Variants in ADGRL2 observed in about 807,000 individuals in gnomAD.
The protein encoded by ADGRL2 is adhesion G protein-coupled receptor L2.
A neutral mutation model predicts 157.4 loss-of-function variants in ADGRL2; 44 were observed. The observed-to-expected ratio is 0.28, with a 90% CI of 0.22 to 0.36. ADGRL2 has a LOEUF of 0.36. Ranked by LOEUF, ADGRL2 falls within the 10% of genes least tolerant of loss-of-function variation. The pLI is 1.00. For synonymous variants in ADGRL2, 585 were observed against 624.7 expected, an observed-to-expected ratio of 0.94 and a Z score of 0.95; for missense variants, 1,510 against 1,768.9, an observed-to-expected ratio of 0.85 and a Z score of 2.63.
At chr1:81,322,991 G>T (rs983695258) in intron 1 of ADGRL2, among the ~76,000 whole-genome samples, 1 of 151,946 alleles carries the variant, frequency 6.6e-6, no homozygotes, top group Non-Finnish European at 1.5e-5. Context: ...CTGAATAGTT[G>T]GGACTACATG....
At chr1:81,640,107 C>A (rs558383355) in intron 3 of ADGRL2, among the ~76,000 whole-genome samples, 2 of 152,270 alleles carry the variant, frequency 1.3e-5, no homozygotes, top group South Asian at 4.1e-4. Flanking sequence ...ACCCTGTATC[C>A]TCTCAAAGTT....
At chr1:81,973,322 A>G (rs1272340426) in intron 17 of ADGRL2, among the ~76,000 whole-genome samples, 2 of 152,190 alleles carry the variant, frequency 1.3e-5, no homozygotes, top group Non-Finnish European at 2.9e-5. Flanking sequence ...CTTGGTGTTC[A>G]TATGTTAACA....
At chr1:81,505,264 C>G (rs944408211) in intron 2 of ADGRL2, 1 of 534,496 alleles carries the variant, frequency 1.9e-6, no homozygotes, top group Non-Finnish European at 3.6e-6. Flanking sequence ...TGGCCTCAGC[C>G]TGCAGGGTGT....
chr1:81,814,013 C>T (rs1219297129), intron 1 of ADGRL2, among the ~76,000 whole-genome samples: 2 of 151,582 alleles, frequency 1.3e-5, no homozygotes, highest in African/African-American at 4.8e-5. Context: ...ATACTGAAAT[C>T]TGAATCCATT....
rs1317530011 is a variant in ADGRL2 at position 81,873,004 on chromosome 1, A to C, written c.74-34013A>C. Among the ~76,000 whole-genome samples, 8 of 152,238 alleles carry C rather than the reference A, an allele frequency of 5.3e-5. No homozygotes were observed. The East Asian group carries it at 1.5e-3, about 29-fold the overall frequency. On this transcript the variant is annotated intron_variant, in intron 2 of 23. Transcript: ENST00000686636. ...GAAGAACATGGATTAAAATGAGCAA[A>C]TTTATAGTATGAAATCAGTATATAG...
intron 1 of ADGRL2, among the ~76,000 whole-genome samples, chr1:81,340,923 G>T (rs191424719): frequency 1.9e-4 from 28 of 150,558 alleles, no homozygotes; most frequent in East Asian, 7.8e-4. Flanking sequence ...GAACCTTAAA[G>T]ATCTTAAAGG....
chr1:81,533,385 A>G (rs367571449), intron 2 of ADGRL2, among the ~76,000 whole-genome samples: 3,648 of 152,306 alleles, frequency 0.024, 75 homozygotes, highest in Non-Finnish European at 0.035. Flanking sequence ...TCTCAAAAAA[A>G]CAAATAAATA....
intron 1 of ADGRL2, chr1:81,721,588 T>G (rs2084322452): frequency 1.9e-6 from 1 of 529,964 alleles, no homozygotes; most frequent in Non-Finnish European, 3.4e-6. Flanking sequence ...AACCCCAGTT[T>G]CTACCAAAAA....
At chr1:81,442,766 A>G (rs905645892) in intron 1 of ADGRL2, among the ~76,000 whole-genome samples, 2 of 152,208 alleles carry the variant, frequency 1.3e-5, no homozygotes, top group African/African-American at 4.8e-5. Context: ...TCAGGAGAGT[A>G]GCACAGGAAG....
chr1:81,669,942 C>CAAA (rs11389637), intron 3 of ADGRL2, among the ~76,000 whole-genome samples: 14 of 87,954 alleles, frequency 1.6e-4, no homozygotes, highest in East Asian at 1.1e-3. Flanking sequence ...GACTACGTCT[C>CAAA]AAAAAAAAAA....
intron 1 of ADGRL2, among the ~76,000 whole-genome samples, chr1:81,384,770 C>T (rs1354765094): frequency 2.6e-5 from 4 of 152,070 alleles, no homozygotes; most frequent in Non-Finnish European, 5.9e-5. Flanking sequence ...CTAATATATG[C>T]TTGAAAATGT....
At chr1:81,960,545 GCTCA>G (rs71690657) in intron 11 of ADGRL2, among the ~76,000 whole-genome samples, 44,589 of 151,536 alleles carry the variant, frequency 0.29, 7,128 homozygotes, top group Middle Eastern at 0.37. Flanking sequence ...CATGATCTCG[GCTCA>G]CTGCAACCTT....
At chr1:81,504,381 G>A (rs2078923158) in intron 2 of ADGRL2, among the ~76,000 whole-genome samples, 1 of 152,084 alleles carries the variant, frequency 6.6e-6, no homozygotes, top group South Asian at 2.1e-4. Context: ...ATCCCCACAC[G>A]TGCCGATGTC....
chr1:81,825,935 A>G (rs1253445525), intron 1 of ADGRL2, among the ~76,000 whole-genome samples: 1 of 152,104 alleles, frequency 6.6e-6, no homozygotes, highest in African/African-American at 2.4e-5. Flanking sequence ...GATGTTCAGA[A>G]AGAAAGATGT....
chr1:81,842,581 C>T (rs1412507283), intron 2 of ADGRL2, among the ~76,000 whole-genome samples: 2 of 151,848 alleles, frequency 1.3e-5, no homozygotes, highest in Non-Finnish European at 1.5e-5. Context: ...TGGTCTCTGA[C>T]TCTTGACCTT....
intron 3 of ADGRL2, among the ~76,000 whole-genome samples, chr1:81,601,170 TG>T (rs1343249073): frequency 6.6e-6 from 1 of 152,270 alleles, no homozygotes; most frequent in African/African-American, 2.4e-5. Flanking sequence ...TTAAGTAGCA[TG>T]CCTCATGATT....
chr1:81,662,610 A>C (rs1357301647), intron 3 of ADGRL2, among the ~76,000 whole-genome samples: 1 of 150,182 alleles, frequency 6.7e-6, no homozygotes, highest in Non-Finnish European at 1.5e-5. Flanking sequence ...GCTAGAGTGC[A>C]GTGGCCCGAT....
At chr1:81,641,011 T>C (rs2082209723) in intron 3 of ADGRL2, among the ~76,000 whole-genome samples, 1 of 152,236 alleles carries the variant, frequency 6.6e-6, no homozygotes, top group Non-Finnish European at 1.5e-5. Flanking sequence ...ATTAATATAT[T>C]CTTTGTTCTT....
intron 3 of ADGRL2, among the ~76,000 whole-genome samples, chr1:81,589,225 C>A (rs1410082588): frequency 6.6e-6 from 1 of 152,136 alleles, no homozygotes; most frequent in Non-Finnish European, 1.5e-5. Context: ...TGCCATACCT[C>A]CTTTTCTATA....
Sources: allele counts gnomAD v4.1 joint callset (sites outside exome capture counted in the v4.1 genomes callset), GRCh38; gene constraint gnomAD v4.1.1; transcripts MANE v1.5; gene names NCBI Gene and HGNC (gene_info 2026-07-23, HGNC 2026-07-21).